The following MAGI3 variants were observed in gnomAD, a reference collection of about 807,000 sequenced individuals.
MAGI3 encodes the protein membrane associated guanylate kinase, WW and PDZ domain containing 3, also known as membrane-associated guanylate kinase, WW and PDZ domain-containing protein 3.
A neutral mutation model predicts 121.8 loss-of-function variants in MAGI3; 43 were observed. The observed-to-expected ratio is 0.35, with a 90% CI of 0.28 to 0.46. The LOEUF is 0.46. Ranked by LOEUF, MAGI3 falls within the 20% of genes least tolerant of loss-of-function variation. MAGI3 has a pLI of 1.00. For missense variants in MAGI3, 1,547 were observed against 1,797.3 expected (o/e 0.86, Z 2.52); for synonymous variants, 553 against 639.3 (o/e 0.86, Z 2.04).
chr1:113,609,166 G>A (rs923378187), intron 6 of MAGI3, among the ~76,000 whole-genome samples: 4 of 152,054 alleles, frequency 2.6e-5, no homozygotes, highest in Admixed American at 1.3e-4. Context: ...GTCTCCCCAC[G>A]TAATAGCCCC....
chr1:113,426,534 A>G (rs1453580954), intron 1 of MAGI3, among the ~76,000 whole-genome samples: 1 of 152,164 alleles, frequency 6.6e-6, no homozygotes, highest in Non-Finnish European at 1.5e-5. Flanking sequence ...TCTCCTTTCA[A>G]ATCTGTCAGG....
At chr1:113,565,493 A>G (rs1468486923) in intron 2 of MAGI3, among the ~76,000 whole-genome samples, 1 of 152,106 alleles carries the variant, frequency 6.6e-6, no homozygotes, top group Non-Finnish European at 1.5e-5. Flanking sequence ...CTCTCTTTGC[A>G]TTTTTTCTGT....
At chr1:113,450,714 A>G (rs1654444761) in intron 1 of MAGI3, 2 of 1,123,742 alleles carry the variant, frequency 1.8e-6, no homozygotes, top group African/African-American at 1.5e-5. Flanking sequence ...AGTGGTGGAT[A>G]TGGTAGCAGA....
chr1:113,434,510 G>T (rs1653466793), intron 1 of MAGI3, among the ~76,000 whole-genome samples: 1 of 152,120 alleles, frequency 6.6e-6, no homozygotes, highest in South Asian at 2.1e-4. Flanking sequence ...TAAATAATTT[G>T]TGAATAAAAC....
intron 9 of MAGI3, among the ~76,000 whole-genome samples, chr1:113,639,013 C>T (rs1301651584): frequency 2.0e-5 from 3 of 152,254 alleles, no homozygotes; most frequent in African/African-American, 7.2e-5. Flanking sequence ...CAGTGAGACT[C>T]CGTGGGCGTA....
intron 1 of MAGI3, among the ~76,000 whole-genome samples, chr1:113,393,684 A>G (rs938019301): frequency 3.3e-5 from 5 of 152,228 alleles, no homozygotes; most frequent in Non-Finnish European, 5.9e-5. Flanking sequence ...TTTGATTAAA[A>G]ACAAATATTA....
intron 6 of MAGI3, among the ~76,000 whole-genome samples, chr1:113,606,670 A>G (rs528159538): frequency 6.6e-6 from 1 of 152,094 alleles, no homozygotes; most frequent in African/African-American, 2.4e-5. Flanking sequence ...AAATAAGCTT[A>G]TTTAAAACTA....
chr1:113,405,018 A>T (rs1163329154), intron 1 of MAGI3, among the ~76,000 whole-genome samples: 1 of 152,114 alleles, frequency 6.6e-6, no homozygotes, highest in East Asian at 1.9e-4. Context: ...CCATCTTCTC[A>T]TGAAAAAGAG....
At chr1:113,463,430 A>T (rs2101522802) in intron 1 of MAGI3, among the ~76,000 whole-genome samples, 1 of 151,968 alleles carries the variant, frequency 6.6e-6, no homozygotes, top group East Asian at 1.9e-4. Context: ...CCTGTGATAT[A>T]ACTTGGAGAA....
intron 1 of MAGI3, among the ~76,000 whole-genome samples, chr1:113,541,232 G>C (rs1268278973): frequency 6.6e-6 from 1 of 152,200 alleles, no homozygotes; most frequent in Non-Finnish European, 1.5e-5. Flanking sequence ...CAATACATTT[G>C]TGATGGCCCC....
At chr1:113,504,326 C>CA (rs1657201724) in intron 1 of MAGI3, among the ~76,000 whole-genome samples, 1 of 151,992 alleles carries the variant, frequency 6.6e-6, no homozygotes, top group African/African-American at 2.4e-5. Context: ...TGCCAGATAA[C>CA]AAATTTGTAT....
chr1:113,616,272 C>A (rs1196399719), intron 7 of MAGI3, among the ~76,000 whole-genome samples: 1 of 152,124 alleles, frequency 6.6e-6, no homozygotes, highest in Non-Finnish European at 1.5e-5. Context: ...CCAGAATGAG[C>A]TCATTTTACA....
chr1:113,435,871 T>G (rs1422875329), intron 1 of MAGI3, among the ~76,000 whole-genome samples: 1 of 152,160 alleles, frequency 6.6e-6, no homozygotes, highest in Non-Finnish European at 1.5e-5. Flanking sequence ...TATTCTGATA[T>G]TTTGATTTGA....
chr1:113,484,703 C>T (rs1016625283), intron 1 of MAGI3, among the ~76,000 whole-genome samples: 4 of 19,646 alleles, frequency 2.0e-4, no homozygotes, highest in African/African-American at 1.1e-3. Flanking sequence ...CTCCCCTCCC[C>T]TCCCCTCCCC....
chr1:113,642,565 A>T, intron 10 of MAGI3, 49 bp downstream of exon 10: 1 of 1,546,858 alleles, frequency 6.5e-7, no homozygotes, highest in South Asian at 1.3e-5. Context: ...AAGCGTTTAT[A>T]TCTACTGATT....
At position 113,544,616 on chromosome 1, in the gene MAGI3, C is replaced by G. The variant is rs559493712; in HGVS notation, c.317-4899C>G. On this transcript the variant is annotated intron_variant, in intron 1 of 20. Coordinates refer to ENST00000307546, the MANE Select transcript of MAGI3 (RefSeq NM_001142782.2). ...AGCACATAATCATCACACAGTTATACAGTGCTAAGACTTTAAGAAATAAAC... is the reference window on the plus strand; with the variant it reads ...AGCACATAATCATCACACAGTTATAGAGTGCTAAGACTTTAAGAAATAAAC... 9.9e-5 allele frequency among the ~76,000 whole-genome samples: 15 copies of G among 152,276 alleles called. 1 individual carries two copies. The South Asian group carries it at 3.1e-3, about 32-fold the overall frequency.
intron 1 of MAGI3, among the ~76,000 whole-genome samples, chr1:113,475,168 T>A (rs1230813816): frequency 6.6e-6 from 1 of 152,188 alleles, no homozygotes; most frequent in Non-Finnish European, 1.5e-5. Flanking sequence ...AAATATATAA[T>A]CATGTCATCT....
chr1:113,554,067 T>G (rs376419319), intron 2 of MAGI3, among the ~76,000 whole-genome samples: 14 of 152,050 alleles, frequency 9.2e-5, no homozygotes, highest in South Asian at 6.2e-4. Flanking sequence ...AACAAAATAT[T>G]CAGAGTGTCC....
intron 1 of MAGI3, among the ~76,000 whole-genome samples, chr1:113,443,935 G>A (rs192793058): frequency 6.6e-6 from 1 of 152,302 alleles, no homozygotes; most frequent in African/African-American, 2.4e-5. Flanking sequence ...TATCAGAAGA[G>A]GATTTTGGTA....
Sources: gnomAD v4.1 joint callset for allele counts (sites outside exome capture counted in the v4.1 genomes callset) on GRCh38, gnomAD v4.1.1 for gene constraint, MANE v1.5 for transcripts, NCBI Gene and HGNC (gene_info 2026-07-23, HGNC 2026-07-21) for gene names.